The following SGCZ variants were observed in gnomAD, a reference collection of about 807,000 sequenced individuals.
SGCZ encodes the protein sarcoglycan zeta.
Under a neutral mutation model 41.3 loss-of-function variants are expected in SGCZ, and 40 were observed. The observed-to-expected ratio is 0.97, with a 90% CI of 0.75 to 1.26. The LOEUF is 1.26. SGCZ is among the 50% of genes most tolerant of loss of function. The pLI, the probability that SGCZ is intolerant of heterozygous loss-of-function variation, is 0.00. For missense variants in SGCZ, 552 were observed against 369.8 expected (o/e 1.49, Z -4.04); for synonymous variants, 206 against 137.5 (o/e 1.50, Z -3.49).
At chr8:14,652,510 A>T (rs1020214091) in intron 1 of SGCZ, among the ~76,000 whole-genome samples, 1 of 152,034 alleles carries the variant, frequency 6.6e-6, no homozygotes, top group Admixed American at 6.6e-5. Context: ...GGGAGCAATG[A>T]GTAAATTCTA....
intron 1 of SGCZ, among the ~76,000 whole-genome samples, chr8:14,906,297 T>A (rs1377911240): frequency 6.6e-6 from 1 of 152,118 alleles, no homozygotes; most frequent in Non-Finnish European, 1.5e-5. Context: ...CTTGAGACAA[T>A]ATGAATATTT....
intron 1 of SGCZ, among the ~76,000 whole-genome samples, chr8:14,904,349 T>G (rs1376769122): frequency 1.3e-5 from 2 of 152,058 alleles, no homozygotes; most frequent in Admixed American, 1.3e-4. Context: ...ATGTAATTCC[T>G]AAACATCTCA....
At chr8:14,812,768 T>C (rs758155544) in intron 1 of SGCZ, among the ~76,000 whole-genome samples, 4 of 152,164 alleles carry the variant, frequency 2.6e-5, no homozygotes, top group Non-Finnish European at 5.9e-5. Context: ...AACTTAACAG[T>C]GCTTTTATAG....
chr8:14,849,443 C>A (rs368286432), intron 1 of SGCZ, among the ~76,000 whole-genome samples: 1 of 151,756 alleles, frequency 6.6e-6, no homozygotes. Context: ...TGAATAGATT[C>A]CATAGAATGG....
intron 2 of SGCZ, among the ~76,000 whole-genome samples, chr8:14,383,327 A>G (rs1012997952): frequency 5.3e-5 from 8 of 152,234 alleles, no homozygotes; most frequent in African/African-American, 1.9e-4. Flanking sequence ...ACACACATCG[A>G]ATTTCTATGC....
chr8:14,797,994 C>CT (rs1377625020), intron 1 of SGCZ, among the ~76,000 whole-genome samples: 2 of 152,214 alleles, frequency 1.3e-5, no homozygotes, highest in African/African-American at 2.4e-5. Flanking sequence ...ACCTGCATGT[C>CT]TAAGCAGAAG....
intron 2 of SGCZ, among the ~76,000 whole-genome samples, chr8:14,343,481 C>A (rs1037577182): frequency 2.0e-5 from 3 of 152,158 alleles, no homozygotes; most frequent in African/African-American, 7.2e-5. Context: ...ATAACTTGGA[C>A]TCTACGTATG....
intron 3 of SGCZ, among the ~76,000 whole-genome samples, chr8:14,299,098 G>A (rs187517142): frequency 6.6e-5 from 10 of 152,086 alleles, no homozygotes; most frequent in African/African-American, 2.2e-4. Context: ...AGAAAGAAAA[G>A]TCTTTTAAAC....
chr8:14,289,994 A>ATATCTT (rs1800784862), intron 3 of SGCZ, among the ~76,000 whole-genome samples: 1 of 151,842 alleles, frequency 6.6e-6, no homozygotes, highest in Non-Finnish European at 1.5e-5. Flanking sequence ...TTTAAACAGC[A>ATATCTT]GATCTTGTGA....
chr8:14,125,429 G>A lies in SGCZ; in HGVS notation c.548-17194C>T, dbSNP rs565126054. Among the ~76,000 whole-genome samples, 175 of 151,634 alleles carry A rather than the reference G, an allele frequency of 1.2e-3. 1 individual carries two copies. The highest frequency in any genetic ancestry group is 3.9e-3 in the African/African-American group (160 of 41,302). On this transcript the variant is annotated intron_variant, in intron 5 of 7. Transcript: ENST00000382080. The stretch of plus-strand genomic sequence containing the variant: ...TGAGGCAGGAGAATGGCGTGAACCA[G>A]GGAGGCAGAGCTCGCAGTGAGCCGA...
intron 4 of SGCZ, among the ~76,000 whole-genome samples, chr8:14,224,941 C>T (rs1009434980): frequency 6.6e-6 from 1 of 152,148 alleles, no homozygotes; most frequent in Admixed American, 6.6e-5. Flanking sequence ...TTTGCAAAGG[C>T]ATATTTGGTG....
At chr8:14,225,525 GTAATC>G (rs1563196729) in intron 4 of SGCZ, among the ~76,000 whole-genome samples, 19 of 152,058 alleles carry the variant, frequency 1.2e-4, no homozygotes, top group African/African-American at 4.6e-4. Context: ...ATAGTCAGGT[GTAATC>G]ATAGCCAAAA....
intron 2 of SGCZ, among the ~76,000 whole-genome samples, chr8:14,421,375 A>G (rs776352357): frequency 1.3e-5 from 2 of 152,148 alleles, no homozygotes; most frequent in Non-Finnish European, 2.9e-5. Flanking sequence ...CCCATGTCAG[A>G]AGAATCACTG....
At chr8:14,941,886 TTA>T (rs942637581) in intron 1 of SGCZ, among the ~76,000 whole-genome samples, 25 of 151,580 alleles carry the variant, frequency 1.6e-4, no homozygotes, top group African/African-American at 5.6e-4. Context: ...TATATATATG[TTA>T]TATATATGGC....
chr8:14,850,556 T>A (rs1302026535), intron 1 of SGCZ, among the ~76,000 whole-genome samples: 1 of 152,190 alleles, frequency 6.6e-6, no homozygotes, highest in Non-Finnish European at 1.5e-5. Flanking sequence ...GGTTATTATA[T>A]ACAAGACATG....
chr8:14,417,071 C>T (rs547600037), intron 2 of SGCZ, among the ~76,000 whole-genome samples: 2 of 151,796 alleles, frequency 1.3e-5, no homozygotes, highest in South Asian at 4.2e-4. Context: ...TAAGGCCGGG[C>T]AAGACATATG....
intron 1 of SGCZ, among the ~76,000 whole-genome samples, chr8:14,598,931 T>A (rs1252877376): frequency 1.3e-5 from 2 of 152,144 alleles, no homozygotes; most frequent in East Asian, 3.9e-4. Flanking sequence ...AGTATTAACC[T>A]TGTTTTGTCT....
At chr8:14,292,906 T>A (rs114870682) in intron 3 of SGCZ, among the ~76,000 whole-genome samples, 1 of 152,002 alleles carries the variant, frequency 6.6e-6, no homozygotes, top group Admixed American at 6.6e-5. Flanking sequence ...TTTCTAGCAG[T>A]AATACACAAA....
intron 2 of SGCZ, among the ~76,000 whole-genome samples, chr8:14,361,830 G>C (rs910685484): frequency 6.6e-6 from 1 of 152,090 alleles, no homozygotes; most frequent in African/African-American, 2.4e-5. Context: ...ATCTATCTTT[G>C]GTTCTTAATG....
Sources: gnomAD v4.1 joint callset for allele counts (sites outside exome capture counted in the v4.1 genomes callset) on GRCh38, gnomAD v4.1.1 for gene constraint, MANE v1.5 for transcripts, NCBI Gene and HGNC (gene_info 2026-07-23, HGNC 2026-07-21) for gene names.